The following ROBO2 variants were observed in gnomAD, a reference collection of about 807,000 sequenced individuals.
The protein encoded by ROBO2 is roundabout guidance receptor 2.
ROBO2 carries 53 observed loss-of-function variants against 160.8 expected under a neutral mutation model. The observed-to-expected ratio is 0.33, with a 90% CI of 0.26 to 0.41. ROBO2 has a LOEUF of 0.41. Among genes scored for constraint, ROBO2 ranks in the 10% least tolerant of loss-of-function variants. The probability of loss-of-function intolerance (pLI) is 1.00; values close to 1 mark genes in which losing one functional copy is unlikely to be tolerated. For missense variants in ROBO2, 1,577 were observed against 1,722.4 expected (o/e 0.92, Z 1.49); for synonymous variants, 664 against 611.7 (o/e 1.09, Z -1.26).
chr3:77,426,500 GA>G (rs1282165397), intron 2 of ROBO2, among the ~76,000 whole-genome samples: 1 of 151,884 alleles, frequency 6.6e-6, no homozygotes, highest in African/African-American at 2.4e-5. Context: ...GGAATATATA[GA>G]TAATTGAAGG....
chr3:76,466,080 T>C (rs184167686), intron 2 of ROBO2, among the ~76,000 whole-genome samples: 2 of 151,612 alleles, frequency 1.3e-5, no homozygotes, highest in Non-Finnish European at 2.9e-5. Flanking sequence ...ATGTATAAAA[T>C]GTACATAATT....
chr3:77,211,128 G>A (rs926080870), intron 2 of ROBO2, among the ~76,000 whole-genome samples: 4 of 152,090 alleles, frequency 2.6e-5, no homozygotes, highest in Non-Finnish European at 5.9e-5. Context: ...TGGGTCAAAT[G>A]GTATTTCTAG....
intron 2 of ROBO2, among the ~76,000 whole-genome samples, chr3:76,094,752 T>C (rs981723178): frequency 6.6e-6 from 1 of 152,068 alleles, no homozygotes; most frequent in Non-Finnish European, 1.5e-5. Context: ...AAAGAATAAA[T>C]AAGGGAGAAA....
chr3:76,948,712 A>AT (rs746075602), intron 2 of ROBO2, among the ~76,000 whole-genome samples: 1,986 of 135,630 alleles, frequency 0.015, 22 homozygotes, highest in Middle Eastern at 0.043. Context: ...TTATAATTTA[A>AT]TTTTTTTTTT....
chr3:76,286,055 C>T (rs976952322), intron 2 of ROBO2, among the ~76,000 whole-genome samples: 5 of 152,116 alleles, frequency 3.3e-5, no homozygotes, highest in African/African-American at 1.2e-4. Flanking sequence ...AACACTTCTC[C>T]TAAGTAGTTC....
At chr3:77,168,397 A>G (rs970794741) in intron 2 of ROBO2, among the ~76,000 whole-genome samples, 4 of 152,166 alleles carry the variant, frequency 2.6e-5, no homozygotes, top group Non-Finnish European at 5.9e-5. Context: ...CATTGGTAGT[A>G]TTTGCCTACT....
intron 2 of ROBO2, among the ~76,000 whole-genome samples, chr3:76,298,355 C>T (rs1415013019): frequency 1.3e-5 from 2 of 152,014 alleles, no homozygotes; most frequent in Non-Finnish European, 1.5e-5. Flanking sequence ...CAATATAGAC[C>T]AAGAAATTCG....
Position 76,206,102 on chromosome 3 carries a change from G to A in ROBO2, c.109+268500G>A, listed in dbSNP as rs185641913. ...TCTCTGCTCTCTCTCTACAAATAAAGTCGTACAATTCCCCACTCTTAGAGA... is the reference window on the plus strand; with the variant it reads ...TCTCTGCTCTCTCTCTACAAATAAAATCGTACAATTCCCCACTCTTAGAGA... On this transcript the variant is annotated intron_variant, in intron 2 of 26. Transcript: ENST00000487694. Among the ~76,000 whole-genome samples, 360 of 152,134 alleles carry A rather than the reference G, an allele frequency of 2.4e-3. 2 individuals are homozygous for A. The highest frequency in any genetic ancestry group is 8.3e-3 in the African/African-American group (345 of 41,514).
chr3:76,981,173 C>G (rs1308497181), intron 2 of ROBO2, among the ~76,000 whole-genome samples: 1 of 152,182 alleles, frequency 6.6e-6, no homozygotes, highest in Non-Finnish European at 1.5e-5. Flanking sequence ...TTTGTGTAAA[C>G]ATATACTTTT....
Position 77,383,062 on chromosome 3 carries a change from T to C in ROBO2, c.389-94352T>C, listed in dbSNP as rs142478201. On this transcript the variant is annotated intron_variant, in intron 2 of 25. Coordinates refer to ENST00000461745, the Ensembl canonical transcript of ROBO2. ...CTGCTAGGAAGCATAAAATAGAAAC[T>C]ATTTGCATATGCATTTAAAATAACT... is the stretch of plus-strand genomic sequence containing the variant. Among the ~76,000 whole-genome samples, 125 of 152,340 alleles carry C rather than the reference T, an allele frequency of 8.2e-4. No homozygotes were observed. In the East Asian group the frequency reaches 0.023, roughly 28 times the overall value.
At chr3:77,521,439 C>A (rs1253211316) in intron 5 of ROBO2, among the ~76,000 whole-genome samples, 1 of 151,086 alleles carries the variant, frequency 6.6e-6, no homozygotes, top group Non-Finnish European at 1.5e-5. Context: ...ATTGCTGTAG[C>A]AATAAGTTTT....
rs557958148 is a variant in ROBO2 at position 76,666,990 on chromosome 3, A to G, written c.110-431024A>G. Among the ~76,000 whole-genome samples the G allele has an allele frequency of 3.9e-5, 6 of 152,208 alleles. No homozygotes were observed. The South Asian group carries it at 1.2e-3, about 32-fold the overall frequency. On this transcript the variant is annotated intron_variant, in intron 2 of 26. Transcript: ENST00000487694. ...TATATGACATATATAACATTTCAGA[A>G]TGCATTTAACTCAGAGGAACACGCT... is the stretch of plus-strand genomic sequence containing the variant.
chr3:76,595,792 C>T (rs2086696547), intron 2 of ROBO2, among the ~76,000 whole-genome samples: 1 of 152,004 alleles, frequency 6.6e-6, no homozygotes, highest in African/African-American at 2.4e-5. Context: ...CACAAAAGAA[C>T]CCAAAGAAAC....
chr3:76,803,447 G>GGAAGGAAGGAAGGATGGAGA lies in ROBO2; in HGVS notation c.110-294553_110-294552insTGGAGAGAAGGAAGGAAGGA, dbSNP rs2064396327. The stretch of plus-strand genomic sequence containing the variant: ...ATACAAAAGAGGAGGAAGGATGGAG[G>GGAAGGAAGGAAGGATGGAGA]GAAGGAAGGAAGGAAGAAAGGAAGG... On this transcript the variant is annotated intron_variant, in intron 2 of 26. Transcript: ENST00000487694. Among the ~76,000 whole-genome samples, 6 of 143,646 alleles carry GGAAGGAAGGAAGGATGGAGA rather than the reference G, an allele frequency of 4.2e-5. 1 individual carries two copies. In the South Asian group the frequency reaches 1.2e-3, roughly 28 times the overall value. The allele number at this position is 143,646 out of a possible 152,430, so 94.2% of individuals were successfully genotyped here.
intron 2 of ROBO2, among the ~76,000 whole-genome samples, chr3:76,736,956 A>G (rs574161070): frequency 6.6e-6 from 1 of 152,212 alleles, no homozygotes; most frequent in Admixed American, 6.5e-5. Context: ...TTGTTACAGC[A>G]TACTCTATCC....
At chr3:76,675,665 A>C (rs2092389933) in intron 2 of ROBO2, among the ~76,000 whole-genome samples, 1 of 152,180 alleles carries the variant, frequency 6.6e-6, no homozygotes, top group East Asian at 1.9e-4. Flanking sequence ...GATCAACCCC[A>C]GGGTTTATTT....
intron 1 of ROBO2, among the ~76,000 whole-genome samples, chr3:75,907,415 A>G (rs1946394282): frequency 6.6e-6 from 1 of 151,332 alleles, no homozygotes; most frequent in Non-Finnish European, 1.5e-5. Flanking sequence ...GGGGGTTGGG[A>G]CTCTTCCTTT....
At chr3:76,580,354 G>GTTTTTTTTTTTTTTT (rs1457222056) in intron 2 of ROBO2, among the ~76,000 whole-genome samples, 3 of 46,364 alleles carry the variant, frequency 6.5e-5, no homozygotes, top group African/African-American at 7.6e-5. Context: ...TTTTTTTTTT[G>GTTTTTTTTTTTTTTT]TTTTTTTTTT....
At chr3:75,911,552 CTTTTTTTTTTT>C (rs56787695) in intron 1 of ROBO2, among the ~76,000 whole-genome samples, 4 of 83,558 alleles carry the variant, frequency 4.8e-5, no homozygotes, top group South Asian at 1.0e-3. Context: ...AGCCTTGTTT[CTTTTTTTTTTT>C]TTTTTTTTTT....
Sources: allele counts gnomAD v4.1 joint callset (sites outside exome capture counted in the v4.1 genomes callset), GRCh38; gene constraint gnomAD v4.1.1; transcripts MANE v1.5; gene names NCBI Gene and HGNC (gene_info 2026-07-23, HGNC 2026-07-21).